The following DLC1 variants were observed in gnomAD, a reference collection of about 807,000 sequenced individuals.
DLC1 encodes the protein DLC1 Rho GTPase activating protein, also known as rho GTPase-activating protein 7.
Under a neutral mutation model 140.3 loss-of-function variants are expected in DLC1, and 54 were observed. The observed-to-expected ratio is 0.38, with a 90% CI of 0.31 to 0.48. DLC1 has a LOEUF of 0.48. DLC1 is among the 20% of genes least tolerant of loss of function. The pLI is 0.96. For missense variants in DLC1, 2,536 were observed against 1,907.0 expected (o/e 1.33, Z -6.14); for synonymous variants, 986 against 728.1 (o/e 1.35, Z -5.70).
chr8:13,402,245 T>C (rs2117255829), intron 2 of DLC1, among the ~76,000 whole-genome samples: 1 of 152,360 alleles, frequency 6.6e-6, no homozygotes, highest in East Asian at 1.9e-4. Context: ...TAAATGAGTA[T>C]GGTTACTTAT....
intron 5 of DLC1, among the ~76,000 whole-genome samples, chr8:13,205,612 A>G (rs895904029): frequency 2.0e-5 from 3 of 147,584 alleles, no homozygotes; most frequent in Non-Finnish European, 4.5e-5. Context: ...CTGATGAGCT[A>G]AAAAAAAAAT....
At chr8:13,170,774 G>A in intron 5 of DLC1, among the ~76,000 whole-genome samples, 1 of 150,220 alleles carries the variant, frequency 6.7e-6, no homozygotes, top group East Asian at 1.9e-4. Context: ...GTGTGTTGCA[G>A]AAAATGTGAG....
intron 5 of DLC1, chr8:13,276,151 A>C: frequency 7.1e-7 from 1 of 1,412,156 alleles, no homozygotes; most frequent in Non-Finnish European, 9.3e-7. Flanking sequence ...TGAAACTTCA[A>C]CCAGCTGATG....
At chr8:13,356,170 C>T (rs569683779) in intron 4 of DLC1, among the ~76,000 whole-genome samples, 47 of 146,030 alleles carry the variant, frequency 3.2e-4, no homozygotes, top group Non-Finnish European at 4.9e-4. Context: ...GAGTTTAATT[C>T]GAATAATAAC....
chr8:13,362,494 T>G (rs1183512341), intron 4 of DLC1, among the ~76,000 whole-genome samples: 2 of 152,166 alleles, frequency 1.3e-5, no homozygotes, highest in Non-Finnish European at 1.5e-5. Context: ...GAAACTCTTA[T>G]GTCGGTTAAC....
chr8:13,204,125 C>T (rs1034116672), intron 5 of DLC1, among the ~76,000 whole-genome samples: 1 of 152,054 alleles, frequency 6.6e-6, no homozygotes, highest in African/African-American at 2.4e-5. Context: ...AAAGACTGTT[C>T]TGTTAAGGAA....
At chr8:13,419,867 A>G (rs1838235750) in intron 2 of DLC1, among the ~76,000 whole-genome samples, 2 of 152,138 alleles carry the variant, frequency 1.3e-5, no homozygotes, top group African/African-American at 4.8e-5. Flanking sequence ...TTGGTAAGCT[A>G]TTGATTATTG....
In DLC1 at chr8:13,579,263, T is replaced by TATATATATATAC. The variant is rs1391216326; in HGVS notation, c.-126+25273_-126+25274insGTATATATATAT. Among the ~76,000 whole-genome samples the TATATATATATAC allele has an allele frequency of 2.7e-5, 3 of 110,418 alleles. 1 individual carries two copies. The highest frequency in any genetic ancestry group is 1.1e-4 in the African/African-American group (3 of 28,154). 72.4% of individuals were successfully genotyped at this position (110,418 alleles called of 152,430 possible). On this transcript the variant is annotated intron_variant, in intron 1 of 1. Transcript: ENST00000631382. ...CAGGGAGCATATATATATATATATATATATATGCACATATCTACCTGGACT... is the reference window on the plus strand; with the variant it reads ...CAGGGAGCATATATATATATATATATATATATATATACATATATGCACATATCTACCTGGACT...
chr8:13,275,495 G>T (rs1192577731), intron 5 of DLC1, among the ~76,000 whole-genome samples: 1 of 152,106 alleles, frequency 6.6e-6, no homozygotes, highest in Admixed American at 6.5e-5. Flanking sequence ...AAACAAGAAG[G>T]CACCATAAAC....
At chr8:13,143,812 C>CAGAGAG (rs1194741154) in intron 5 of DLC1, among the ~76,000 whole-genome samples, 30 of 53,604 alleles carry the variant, frequency 5.6e-4, no homozygotes, top group Admixed American at 4.6e-3. Flanking sequence ...AAATGAAAAG[C>CAGAGAG]TGAGAGAGAG....
intron 4 of DLC1, among the ~76,000 whole-genome samples, chr8:13,339,184 G>T (rs1352169884): frequency 1.3e-5 from 2 of 152,132 alleles, no homozygotes; most frequent in Non-Finnish European, 2.9e-5. Context: ...GAGATTAAAA[G>T]ACATTGAAAT....
intron 2 of DLC1, among the ~76,000 whole-genome samples, chr8:13,485,986 T>C (rs1800952311): frequency 6.6e-6 from 1 of 152,206 alleles, no homozygotes; most frequent in African/African-American, 2.4e-5. Context: ...CTCTGCCCTC[T>C]TGACAATTGC....
At chr8:13,456,673 G>C (rs1799404075) in intron 2 of DLC1, among the ~76,000 whole-genome samples, 1 of 152,062 alleles carries the variant, frequency 6.6e-6, no homozygotes, top group Non-Finnish European at 1.5e-5. Flanking sequence ...GGGCCAGGCT[G>C]GTTTTGAACT....
intron 1 of DLC1, chr8:13,558,276 T>G (rs1804122749): frequency 6.6e-6 from 1 of 152,076 alleles, no homozygotes; most frequent in South Asian, 2.1e-4. Flanking sequence ...TTTCACACAG[T>G]GAAAAATGGT....
At chr8:13,144,236 T>C (rs1014358050) in intron 5 of DLC1, among the ~76,000 whole-genome samples, 1 of 152,174 alleles carries the variant, frequency 6.6e-6, no homozygotes, top group Non-Finnish European at 1.5e-5. Context: ...CACCATCTTG[T>C]CATGTCCTTG....
intron 5 of DLC1, among the ~76,000 whole-genome samples, chr8:13,138,922 T>C (rs997146615): frequency 1.3e-5 from 2 of 152,196 alleles, no homozygotes; most frequent in Non-Finnish European, 2.9e-5. Context: ...GACCTTCTAT[T>C]GATTACAACT....
chr8:13,336,408 A>G (rs949115915), intron 4 of DLC1, among the ~76,000 whole-genome samples: 2 of 152,216 alleles, frequency 1.3e-5, no homozygotes, highest in Admixed American at 1.3e-4. Context: ...AAAAGTCACA[A>G]TTCCAGGAGA....
chr8:13,358,704 T>A (rs1192030480), intron 4 of DLC1, among the ~76,000 whole-genome samples: 3 of 151,684 alleles, frequency 2.0e-5, no homozygotes, highest in Non-Finnish European at 4.4e-5. Context: ...AAAAAAATGC[T>A]AACAAAGATA....
chr8:13,221,022 G>T (rs1828519234), intron 5 of DLC1, among the ~76,000 whole-genome samples: 1 of 152,164 alleles, frequency 6.6e-6, no homozygotes, highest in South Asian at 2.1e-4. Context: ...GTAGGCTTCT[G>T]CCAAGGGGGT....
Sources: gnomAD v4.1 joint callset for allele counts (sites outside exome capture counted in the v4.1 genomes callset) on GRCh38, gnomAD v4.1.1 for gene constraint, MANE v1.5 for transcripts, NCBI Gene and HGNC (gene_info 2026-07-23, HGNC 2026-07-21) for gene names.